Variants in ARAP2 observed in about 807,000 individuals in gnomAD.
ARAP2 encodes ArfGAP with RhoGAP domain, ankyrin repeat and PH domain 2.
A neutral mutation model predicts 194.5 loss-of-function variants in ARAP2; 148 were observed. The ratio of observed to expected loss-of-function variants is 0.76; its 90% CI spans 0.67 to 0.87. The LOEUF (loss-of-function observed/expected upper bound fraction) is 0.87, where lower values mean the gene tolerates loss of function less well. Among genes scored for constraint, ARAP2 ranks in the 40% least tolerant of loss-of-function variants. The probability of loss-of-function intolerance (pLI) is 0.00; values close to 1 mark genes in which losing one functional copy is unlikely to be tolerated. For missense variants in ARAP2, 2,128 were observed against 1,989.7 expected (o/e 1.07, Z -1.32); for synonymous variants, 695 against 683.5 (o/e 1.02, Z -0.26).
intron 8 of ARAP2, among the ~76,000 whole-genome samples, chr4:36,014,282 A>AAAGAAAGT: frequency 6.8e-6 from 1 of 146,864 alleles, no homozygotes; most frequent in African/African-American, 2.6e-5. Flanking sequence ...AGAAAGAAAG[A>AAAGAAAGT]AAGAAAGAAA....
chr4:36,036,016 C>G (rs1451350082), intron 5 of ARAP2, among the ~76,000 whole-genome samples: 1 of 152,054 alleles, frequency 6.6e-6, no homozygotes, highest in Non-Finnish European at 1.5e-5. Context: ...CAACGTCATA[C>G]TATCTTAGCT....
intron 5 of ARAP2, among the ~76,000 whole-genome samples, chr4:36,033,509 G>A (rs1367539693): frequency 7.3e-6 from 1 of 137,468 alleles, no homozygotes; most frequent in Non-Finnish European, 1.6e-5. Context: ...TTTTTTTCTT[G>A]TAAATTGGAT....
At chr4:36,024,244 G>A (rs1176598556) in intron 5 of ARAP2, among the ~76,000 whole-genome samples, 4 of 152,052 alleles carry the variant, frequency 2.6e-5, no homozygotes, top group African/African-American at 7.2e-5. Context: ...AAGTCACAAC[G>A]ATTTATGAAT....
intron 6 of ARAP2, among the ~76,000 whole-genome samples, chr4:36,202,801 A>G (rs930044157): frequency 6.6e-6 from 1 of 152,222 alleles, no homozygotes; most frequent in African/African-American, 2.4e-5. Flanking sequence ...AGAAATAAAT[A>G]AAAATAAATA....
In ARAP2 at chr4:36,041,904, C is replaced by T. The variant is rs543829928; in HGVS notation, n.607+4075G>A. On this transcript the variant is annotated intron_variant and non_coding_transcript_variant, in intron 5 of 12. Coordinates refer to the ARAP2 transcript ENST00000503225. ...GGATGAAGTTGGAGGCTATTATTCT[C>T]AGCAAACTAACACAGGAATGGGAAA... Among the ~76,000 whole-genome samples, 283 of 152,268 alleles carry T rather than the reference C, an allele frequency of 1.9e-3. 1 individual carries two copies. The highest frequency in any genetic ancestry group is 6.6e-3 in the African/African-American group (275 of 41,568).
chr4:36,067,138 C>G lies in ARAP2; in HGVS notation c.*769G>C, dbSNP rs1382250687. The G allele has an allele frequency of 1.3e-5, 2 of 152,274 alleles. No individual in the cohort carries two copies. Among genetic ancestry groups the G allele is most frequent in the South Asian group, 2.1e-4 (1 of 4,830 alleles). The allele number at this position is 152,274 out of a possible 1,614,324, so 9.4% of individuals were successfully genotyped here. On this transcript the variant is annotated 3_prime_UTR_variant, in exon 33 of 33. Coordinates refer to ENST00000303965, the MANE Select transcript of ARAP2 (RefSeq NM_015230.4). Reference sequence around the variant, plus strand: ...GTGTAAGTTTCCTCTTAGCAGCCACCAACAATGAGCTCAAACGTAGTGAAT... The same window carrying G: ...GTGTAAGTTTCCTCTTAGCAGCCACGAACAATGAGCTCAAACGTAGTGAAT...
chr4:36,109,460 C>T (rs950542203), intron 26 of ARAP2, among the ~76,000 whole-genome samples: 1 of 151,714 alleles, frequency 6.6e-6, no homozygotes, highest in African/African-American at 2.4e-5. Flanking sequence ...ATCAAAAAAA[C>T]ATATTAACAG....
intron 8 of ARAP2, among the ~76,000 whole-genome samples, chr4:36,180,376 G>T (rs1283082754): frequency 6.6e-6 from 1 of 152,042 alleles, no homozygotes; most frequent in Non-Finnish European, 1.5e-5. Context: ...TAAACCAAAA[G>T]ACATTAAAAT....
chr4:36,074,340 C>G (rs1256384204), intron 31 of ARAP2, among the ~76,000 whole-genome samples: 1 of 152,056 alleles, frequency 6.6e-6, no homozygotes, highest in African/African-American at 2.4e-5. Context: ...TCTTTTTACT[C>G]AGACATTTCA....
chr4:36,164,100 AATGTC>A (rs1369500283), intron 11 of ARAP2, among the ~76,000 whole-genome samples: 1 of 152,122 alleles, frequency 6.6e-6, no homozygotes, highest in African/African-American at 2.4e-5. Context: ...TTGTGGAGGA[AATGTC>A]ATGTCTTATA....
chr4:36,165,778 T>C (rs1735149822), intron 10 of ARAP2, among the ~76,000 whole-genome samples: 1 of 152,174 alleles, frequency 6.6e-6, no homozygotes, highest in South Asian at 2.1e-4. Context: ...AAATATTTAC[T>C]GAGCCCCTGC....
chr4:36,097,462 T>C (rs1715619477), intron 27 of ARAP2, among the ~76,000 whole-genome samples: 1 of 152,092 alleles, frequency 6.6e-6, no homozygotes, highest in South Asian at 2.1e-4. Flanking sequence ...TGTAACTCTA[T>C]ATGTAACAAA....
chr4:36,232,614 A>G (rs1751707602), intron 1 of ARAP2, among the ~76,000 whole-genome samples: 1 of 152,128 alleles, frequency 6.6e-6, no homozygotes, highest in South Asian at 2.1e-4. Flanking sequence ...GAGGCAACAA[A>G]CTGTTTAGCA....
intron 27 of ARAP2, among the ~76,000 whole-genome samples, chr4:36,098,376 A>G (rs1236444833): frequency 6.6e-6 from 1 of 152,030 alleles, no homozygotes; most frequent in Non-Finnish European, 1.5e-5. Context: ...GGATTTCAGA[A>G]TTCTCTAACT....
chr4:36,196,168 TCA>T (rs1394661484), intron 6 of ARAP2, among the ~76,000 whole-genome samples: 2 of 152,224 alleles, frequency 1.3e-5, no homozygotes, highest in African/African-American at 4.8e-5. Context: ...CAACCTATTT[TCA>T]CATGTCTTAC....
chr4:36,200,237 T>C (rs542260177), intron 6 of ARAP2, among the ~76,000 whole-genome samples: 556 of 3,334 alleles, frequency 0.17, 7 homozygotes, highest in African/African-American at 0.23. Context: ...ACTATTCCCT[T>C]TTTTTATTTT....
chr4:36,039,614 A>C (rs1720506383), intron 5 of ARAP2, among the ~76,000 whole-genome samples: 1 of 151,962 alleles, frequency 6.6e-6, no homozygotes, highest in Non-Finnish European at 1.5e-5. Context: ...TCACACTCTA[A>C]ATTTGCTTCC....
At chr4:36,117,286 G>A in intron 24 of ARAP2, 151 bp from the exon 25 acceptor site, 1 of 529,308 alleles carries the variant, frequency 1.9e-6, no homozygotes, top group South Asian at 2.9e-5. Flanking sequence ...AGCATGATGT[G>A]CCCATTTCCA....
intron 26 of ARAP2, among the ~76,000 whole-genome samples, chr4:36,108,290 C>T (rs2109470584): frequency 1.3e-5 from 2 of 152,068 alleles, no homozygotes; most frequent in South Asian, 4.2e-4. Flanking sequence ...GACTAACAAA[C>T]TTAATATTGT....
Sources: gnomAD v4.1 joint callset for allele counts (sites outside exome capture counted in the v4.1 genomes callset) on GRCh38, gnomAD v4.1.1 for gene constraint, MANE v1.5 for transcripts, NCBI Gene and HGNC (gene_info 2026-07-23, HGNC 2026-07-21) for gene names.